The following CFAP43 variants were observed in gnomAD, a reference collection of about 807,000 sequenced individuals.
CFAP43 encodes the protein cilia and flagella associated protein 43, also known as cilia- and flagella-associated protein 43.
A neutral mutation model predicts 218.9 loss-of-function variants in CFAP43; 155 were observed. The observed-to-expected ratio is 0.71, with a 90% confidence interval of 0.62 to 0.81. CFAP43 has a LOEUF of 0.81. Among genes scored for constraint, CFAP43 ranks in the 30% least tolerant of loss-of-function variants. CFAP43 has a pLI of 0.00. For missense variants in CFAP43, 1,778 were observed against 1,954.3 expected, an observed-to-expected ratio of 0.91 and a Z score of 1.70; for synonymous variants, 645 against 681.3, an observed-to-expected ratio of 0.95 and a Z score of 0.83.
chr10:104,162,228 A>G (rs2088913386), intron 25 of CFAP43, 89 bp downstream of exon 25: 6 of 1,344,764 alleles, frequency 4.5e-6, no homozygotes, highest in Non-Finnish European at 6.4e-6. Context: ...ACCACGACAA[A>G]TGTGTTGATG....
At chr10:104,136,836 A>G (rs1329054633) in intron 34 of CFAP43, among the ~76,000 whole-genome samples, 3 of 152,210 alleles carry the variant, frequency 2.0e-5, no homozygotes, top group Non-Finnish European at 4.4e-5. Context: ...TTGTCCAAAG[A>G]TATACAAATG....
chr10:104,214,835 G>A (rs1339333124), intron 3 of CFAP43, among the ~76,000 whole-genome samples: 2 of 152,110 alleles, frequency 1.3e-5, no homozygotes, highest in Admixed American at 6.5e-5. Context: ...ATCATTTATT[G>A]AGTTTTTAAA....
At chr10:104,137,024 G>C (rs761867361) in intron 34 of CFAP43, among the ~76,000 whole-genome samples, 5 of 152,176 alleles carry the variant, frequency 3.3e-5, no homozygotes, top group Non-Finnish European at 7.4e-5. Flanking sequence ...CTTTGCTGGT[G>C]GGAATATGAA....
At chr10:104,133,372 T>G in intron 35 of CFAP43, 1 of 347,552 alleles carries the variant, frequency 2.9e-6, no homozygotes. Context: ...TACAGAGAAT[T>G]GAAGGACCAC....
At chr10:104,155,169 A>T (rs1229422425) in intron 27 of CFAP43, among the ~76,000 whole-genome samples, 1 of 151,718 alleles carries the variant, frequency 6.6e-6, no homozygotes, top group Non-Finnish European at 1.5e-5. Flanking sequence ...GGGCTTTTGT[A>T]CCCCCTTCAC....
intron 34 of CFAP43, 54 bp downstream of exon 34, chr10:104,140,788 C>T: frequency 1.4e-6 from 2 of 1,417,498 alleles, no homozygotes; most frequent in Non-Finnish European, 1.9e-6. Context: ...AAGACTCTAG[C>T]CTGAGTAACA....
In CFAP43 at chr10:104,146,311, G is replaced by C; in HGVS notation, c.3807C>G (p.Asp1269Glu). ...CATAGTGCTCCTTGCACACATCCAG[G>C]TCTTCTCTAGATTTCCGAACAGCTT... Reference protein sequence around the residue: ...TSEAVRKSREDLDVCKEHYDN... With the variant: ...TSEAVRKSREELDVCKEHYDN... The change falls in exon 30 of 38, where the codon GAC (aspartate) becomes GAG (glutamate). Residue 1269 changes from aspartate to glutamate, a missense_variant. Asp to Glu is a conservative substitution (Grantham distance 45, BLOSUM62 2). Around this residue, in one of 3 missense-constraint regions of CFAP43, gnomAD observed 1,553 missense variants for 1,685.2 expected, o/e 0.92. Coordinates refer to ENST00000357060, the MANE Select transcript of CFAP43 (RefSeq NM_025145.7). The C allele has an allele frequency of 6.2e-7, 1 of 1,613,708 alleles. No homozygotes were observed. The highest frequency in any genetic ancestry group is 8.5e-7 in the Non-Finnish European group (1 of 1,179,720).
chr10:104,163,931 G>T (rs2089012133), intron 24 of CFAP43, among the ~76,000 whole-genome samples, 163 bp downstream of exon 24: 2 of 152,198 alleles, frequency 1.3e-5, no homozygotes, highest in Non-Finnish European at 2.9e-5. Flanking sequence ...ATTCGTAAAA[G>T]AAATTCTCAT....
At chr10:104,226,525 T>C (rs1028865434) in intron 2 of CFAP43, among the ~76,000 whole-genome samples, 6 of 152,162 alleles carry the variant, frequency 3.9e-5, no homozygotes, top group Non-Finnish European at 7.4e-5. Context: ...ACTTTAGATA[T>C]TCTTTAAATC....
intron 17 of CFAP43, among the ~76,000 whole-genome samples, chr10:104,181,924 A>T (rs1291992720): frequency 5.3e-5 from 8 of 152,218 alleles, no homozygotes; most frequent in Non-Finnish European, 1.2e-4. Flanking sequence ...TGTAAACTCC[A>T]TGGAAGCAGA....
At chr10:104,224,024 A>C (rs887045144) in intron 3 of CFAP43, among the ~76,000 whole-genome samples, 1 of 152,118 alleles carries the variant, frequency 6.6e-6, no homozygotes, top group Non-Finnish European at 1.5e-5. Flanking sequence ...AACACAAGGA[A>C]ACTTTTGGGG....
chr10:104,137,114 A>C (rs545436544), intron 34 of CFAP43, among the ~76,000 whole-genome samples: 3 of 152,344 alleles, frequency 2.0e-5, no homozygotes, highest in African/African-American at 7.2e-5. Context: ...CAGCAATTCC[A>C]CTTCTAGGTA....
intron 27 of CFAP43, among the ~76,000 whole-genome samples, chr10:104,154,786 C>T (rs919040537): frequency 4.6e-5 from 7 of 152,200 alleles, no homozygotes; most frequent in African/African-American, 1.7e-4. Flanking sequence ...CACTGCAGGT[C>T]CTTCTCACAT....
chr10:104,158,320 A>G (rs1035649112), intron 27 of CFAP43, among the ~76,000 whole-genome samples: 2 of 152,196 alleles, frequency 1.3e-5, no homozygotes, highest in Non-Finnish European at 2.9e-5. Flanking sequence ...TATAACAAAG[A>G]AATCTGGAGA....
At chr10:104,206,853 A>C (rs1589778492) in intron 6 of CFAP43, among the ~76,000 whole-genome samples, 1 of 152,180 alleles carries the variant, frequency 6.6e-6, no homozygotes, top group Non-Finnish European at 1.5e-5. Flanking sequence ...CTAGGGCAGA[A>C]TAGATCAGGT....
intron 7 of CFAP43, among the ~76,000 whole-genome samples, chr10:104,204,901 T>C (rs192070710): frequency 2.6e-5 from 4 of 152,306 alleles, no homozygotes; most frequent in East Asian, 3.9e-4. Flanking sequence ...ATTGTTTACA[T>C]TGATTACAAT....
intron 8 of CFAP43, among the ~76,000 whole-genome samples, chr10:104,200,054 T>C (rs2090486937): frequency 6.6e-6 from 1 of 152,182 alleles, no homozygotes; most frequent in African/African-American, 2.4e-5. Context: ...AGGGTAATCA[T>C]ACCTGGCACT....
At chr10:104,194,130 G>C in intron 10 of CFAP43, 116 bp from the exon 11 acceptor site, 1 of 1,205,606 alleles carries the variant, frequency 8.3e-7, no homozygotes, top group Non-Finnish European at 1.2e-6. Context: ...GGCAAGTGTT[G>C]TGTGGTGGGG....
intron 16 of CFAP43, among the ~76,000 whole-genome samples, chr10:104,184,565 C>T (rs1044066101): frequency 2.0e-5 from 3 of 151,606 alleles, no homozygotes; most frequent in African/African-American, 2.4e-5. Context: ...CTCTGGAACA[C>T]GCTTTTCAAA....
Sources: allele counts gnomAD v4.1 joint callset (sites outside exome capture counted in the v4.1 genomes callset), GRCh38; gene constraint gnomAD v4.1.1; regional missense constraint gnomAD v4.1.1; transcripts MANE v1.5; gene names NCBI Gene and HGNC (gene_info 2026-07-23, HGNC 2026-07-21).